The following DBX2 variants were observed in gnomAD, a reference collection of about 807,000 sequenced individuals.
DBX2 encodes the protein homeobox protein DBX2.
A neutral mutation model predicts 17.7 loss-of-function variants in DBX2; 16 were observed. The observed-to-expected ratio is 0.90, with a 90% CI of 0.61 to 1.37. DBX2 has a LOEUF of 1.37. DBX2 is among the 40% of genes most tolerant of loss of function. The pLI is 0.00. For synonymous variants in DBX2, 255 were observed against 183.8 expected (o/e 1.39, Z -3.13); for missense variants, 538 against 433.8 (o/e 1.24, Z -2.13).
At chr12:45,040,215 C>A (rs1378540742) in intron 1 of DBX2, among the ~76,000 whole-genome samples, 1 of 152,080 alleles carries the variant, frequency 6.6e-6, no homozygotes, top group African/African-American at 2.4e-5. Context: ...ACTGGCCTAG[C>A]CTACCAGCCT....
chr12:45,039,783 T>G (rs1946461584), intron 1 of DBX2, among the ~76,000 whole-genome samples: 1 of 151,780 alleles, frequency 6.6e-6, no homozygotes, highest in South Asian at 2.1e-4. Context: ...TTACTAGCCA[T>G]GAGGGATAGA....
At chr12:45,017,562 T>C (rs771471875) in intron 3 of DBX2, among the ~76,000 whole-genome samples, 1 of 152,232 alleles carries the variant, frequency 6.6e-6, no homozygotes, top group Non-Finnish European at 1.5e-5. Flanking sequence ...TTATACAGTT[T>C]CCAAGTCTTG....
chr12:45,039,418 T>C (rs1383527523), intron 1 of DBX2, among the ~76,000 whole-genome samples: 1 of 150,708 alleles, frequency 6.6e-6, no homozygotes, highest in South Asian at 2.1e-4. Flanking sequence ...GACAAGTTGA[T>C]AGATGTGCTG....
At chr12:45,047,154 T>A (rs1946504781) in intron 1 of DBX2, among the ~76,000 whole-genome samples, 1 of 152,170 alleles carries the variant, frequency 6.6e-6, no homozygotes, top group Non-Finnish European at 1.5e-5. Context: ...TTTAAATCTT[T>A]CAGCATTTTA....
intron 3 of DBX2, among the ~76,000 whole-genome samples, chr12:45,023,285 T>C (rs901916936): frequency 6.6e-6 from 1 of 152,192 alleles, no homozygotes; most frequent in Admixed American, 6.5e-5. Flanking sequence ...GATTTTTGGA[T>C]TGGAAGTGAA....
At chr12:45,031,091 C>A (rs1014624540) in intron 2 of DBX2, among the ~76,000 whole-genome samples, 1 of 152,054 alleles carries the variant, frequency 6.6e-6, no homozygotes, top group Non-Finnish European at 1.5e-5. Context: ...TGTGGGCTCA[C>A]CTTTTCCTGC....
chr12:45,023,672 T>A, intron 3 of DBX2, 35 bp downstream of exon 3: 1 of 1,612,440 alleles, frequency 6.2e-7, no homozygotes, highest in Non-Finnish European at 8.5e-7. Context: ...TCAGAAGAAA[T>A]CAGAGGCAGT....
intron 2 of DBX2, among the ~76,000 whole-genome samples, chr12:45,027,326 C>A (rs931015658): frequency 1.3e-5 from 2 of 152,218 alleles, no homozygotes; most frequent in African/African-American, 4.8e-5. Flanking sequence ...GTGTTCAGAG[C>A]AGTCAAGGTC....
Position 45,036,151 on chromosome 12 carries a change from T to G in DBX2, c.404-37A>C, listed in dbSNP as rs369195739. On this transcript the variant is annotated intron_variant, in intron 1 of 3. Coordinates refer to ENST00000332700, the MANE Select transcript of DBX2 (RefSeq NM_001004329.3). ...GCATTGATCTCATTGATTAGCCATT[T>G]CTTTAAGACAATATTCAAAACTCCA... 327 of 1,529,122 alleles carry G rather than the reference T, an allele frequency of 2.1e-4. 1 individual carries two copies. Among genetic ancestry groups the G allele is most frequent in the Non-Finnish European group, 2.5e-4 (282 of 1,134,836 alleles). The allele number at this position is 1,529,122 out of a possible 1,614,324, so 94.7% of individuals were successfully genotyped here. A position where few individuals can be genotyped will look rare whatever the true frequency, so the allele number is the denominator to read the frequency against.
chr12:45,019,703 T>C (rs957233837), intron 3 of DBX2, among the ~76,000 whole-genome samples: 2 of 152,062 alleles, frequency 1.3e-5, no homozygotes, highest in African/African-American at 4.8e-5. Flanking sequence ...TGATGGTCTG[T>C]TATGAAAGAC....
chr12:45,050,922 G>A lies in DBX2; in HGVS notation c.6C>T (p.Leu2=), dbSNP rs1429917900. 3 of 1,489,960 alleles carry A rather than the reference G, an allele frequency of 2.0e-6. No homozygotes were observed. Among genetic ancestry groups the A allele is most frequent in the Non-Finnish European group, 2.7e-6 (3 of 1,120,036 alleles). The allele number at this position is 1,489,960 out of a possible 1,614,324, so 92.3% of individuals were successfully genotyped here. A position where few individuals can be genotyped will look rare whatever the true frequency, so the allele number is the denominator to read the frequency against. The change falls in exon 1 of 4, where the codon CTC becomes CTT. Residue 2 remains leucine, a synonymous_variant. Transcript: ENST00000332700. M[L]PSAVAAHAGA... Reference sequence around the variant, plus strand: ...CGGCGTGGGCTGCGACCGCGCTGGGGAGCATAGTGCGGCGCCAACCGGTCT... The same window carrying A: ...CGGCGTGGGCTGCGACCGCGCTGGGAAGCATAGTGCGGCGCCAACCGGTCT...
rs1457759497 is a variant in DBX2, at chr12:45,050,915, C to A, written c.13G>T (p.Ala5Ser). 4 of 1,497,498 alleles carry A rather than the reference C, an allele frequency of 2.7e-6. No individual in the cohort carries two copies. The Middle Eastern group carries it at 5.6e-4, about 208-fold the overall frequency. 92.8% of individuals were successfully genotyped at this position (1,497,498 alleles called of 1,614,324 possible). Residue 5 changes from alanine (A) to serine (S), a missense_variant, in exon 1 of 4, where the codon GCG (alanine) becomes TCG (serine). By Grantham distance (99) the Ala-to-Ser change is moderately conservative (BLOSUM62 1). Transcript: ENST00000332700. Reference protein sequence around the residue: MLPSAVAAHAGAYWD... With the variant: MLPSSVAAHAGAYWD... ...TACGCACCGGCGTGGGCTGCGACCG[C>A]GCTGGGGAGCATAGTGCGGCGCCAA...
intron 1 of DBX2, among the ~76,000 whole-genome samples, chr12:45,038,290 C>T (rs896438976): frequency 6.7e-6 from 1 of 149,528 alleles, no homozygotes; most frequent in African/African-American, 2.4e-5. Flanking sequence ...TTGTTTTGGA[C>T]TTTTGTTGTT....
chr12:45,047,829 T>C (rs1400932579), intron 1 of DBX2, among the ~76,000 whole-genome samples: 1 of 152,154 alleles, frequency 6.6e-6, no homozygotes, highest in Admixed American at 6.5e-5. Flanking sequence ...ATGATTAAAG[T>C]GCTACTTGGG....
At chr12:45,023,063 T>C (rs1946362120) in intron 3 of DBX2, among the ~76,000 whole-genome samples, 1 of 152,228 alleles carries the variant, frequency 6.6e-6, no homozygotes, top group Non-Finnish European at 1.5e-5. Flanking sequence ...CCTTATGATA[T>C]TATTTGTAAT....
At chr12:45,046,100 T>C (rs1353221091) in intron 1 of DBX2, among the ~76,000 whole-genome samples, 1 of 152,158 alleles carries the variant, frequency 6.6e-6, no homozygotes, top group African/African-American at 2.4e-5. Context: ...AAGCATGTGT[T>C]GGGGCAAAGG....
At position 45,023,767 on chromosome 12, in the gene DBX2, T is replaced by C. The variant is rs1384967988; in HGVS notation, c.627A>G (p.Lys209=). 1 of 1,614,150 alleles carries C rather than the reference T, an allele frequency of 6.2e-7. No individual in the cohort carries two copies. Among genetic ancestry groups the C allele is most frequent in the East Asian group, 2.2e-5 (1 of 44,868 alleles). The part of the protein sequence containing the change: ...KALEKMFQKQ[K]YISKTDRKKL... Reference sequence around the variant, plus strand: ...TCTTTCGGTCTGTTTTGCTGATATATTTCTGTTTCTGAAACATTTTCTCCA... The same window carrying C: ...TCTTTCGGTCTGTTTTGCTGATATACTTCTGTTTCTGAAACATTTTCTCCA... Residue 209 remains lysine (K), a synonymous_variant, in exon 3 of 4, where the codon AAA becomes AAG. Coordinates refer to ENST00000332700, the MANE Select transcript of DBX2 (RefSeq NM_001004329.3).
chr12:45,037,862 GT>G (rs918397871), intron 1 of DBX2, among the ~76,000 whole-genome samples: 1 of 151,602 alleles, frequency 6.6e-6, no homozygotes, highest in Non-Finnish European at 1.5e-5. Context: ...ATGCTTTTAG[GT>G]TTTTTTTAAA....
In DBX2 at chr12:45,023,811, C is replaced by G; in HGVS notation, c.583G>C (p.Glu195Gln). 6.2e-7 allele frequency: 1 copy of G among 1,612,028 alleles called. No homozygotes were observed. The highest frequency in any genetic ancestry group is 8.5e-7 in the Non-Finnish European group (1 of 1,179,262). The change falls in exon 3 of 4, where the codon GAG (glutamate) becomes CAG (glutamine). Residue 195 changes from glutamate to glutamine, a missense_variant. Transcript: ENST00000332700. ...RGILRRAVFSEDQRKALEKMF... is the reference protein window; with the variant it reads ...RGILRRAVFSQDQRKALEKMF... Reference sequence around the variant, plus strand: ...TTCTCCAGAGCCTTTCTCTGGTCCTCAGAAAAGACAGCTCTTCTTAAAATG... The same window carrying G: ...TTCTCCAGAGCCTTTCTCTGGTCCTGAGAAAAGACAGCTCTTCTTAAAATG...
Sources: gnomAD v4.1 joint callset for allele counts (sites outside exome capture counted in the v4.1 genomes callset) on GRCh38, gnomAD v4.1.1 for gene constraint, MANE v1.5 for transcripts, NCBI Gene and HGNC (gene_info 2026-07-23, HGNC 2026-07-21) for gene names.